Variants in HELLS observed in about 807,000 individuals in gnomAD.
HELLS encodes the protein lymphoid-specific helicase.
A neutral mutation model predicts 120.0 loss-of-function variants in HELLS; 32 were observed. The observed-to-expected ratio is 0.27, with a 90% CI of 0.20 to 0.36. HELLS has a LOEUF of 0.36. Among genes scored for constraint, HELLS ranks in the 10% least tolerant of loss-of-function variants. The pLI is 1.00. For synonymous variants in HELLS, 341 were observed against 323.4 expected, an observed-to-expected ratio of 1.05 and a Z score of -0.58; for missense variants, 650 against 993.4, an observed-to-expected ratio of 0.65 and a Z score of 4.65.
intron 3 of HELLS, 83 bp from the exon 4 acceptor site, chr10:94,558,056 A>G (rs1163011490): frequency 2.0e-6 from 3 of 1,484,046 alleles, no homozygotes; most frequent in South Asian, 1.3e-5. Flanking sequence ...CATTGTAAAC[A>G]TAAGTTATTT....
chr10:94,580,120 T>C (rs1844757012), intron 10 of HELLS, among the ~76,000 whole-genome samples: 1 of 4,814 alleles, frequency 2.1e-4, no homozygotes, highest in African/African-American at 5.8e-4. Context: ...TATAAAAGTA[T>C]ATATATATAT....
At chr10:94,578,070 C>CATA (rs1844605893) in intron 10 of HELLS, among the ~76,000 whole-genome samples, 1 of 60,840 alleles carries the variant, frequency 1.6e-5, no homozygotes, top group Non-Finnish European at 3.3e-5. Context: ...GACTCCGTCT[C>CATA]AAAAAAAAAA....
chr10:94,567,214 A>G (rs1299232286), intron 6 of HELLS, among the ~76,000 whole-genome samples: 1 of 152,024 alleles, frequency 6.6e-6, no homozygotes, highest in African/African-American at 2.4e-5. Context: ...TTTGCCTTTC[A>G]ATTATAGATA....
intron 10 of HELLS, among the ~76,000 whole-genome samples, chr10:94,580,185 AT>A (rs57237348): frequency 0.015 from 1,059 of 69,328 alleles, 10 homozygotes; most frequent in Non-Finnish European, 0.021. Flanking sequence ...ACACACACAC[AT>A]TTTTTTTTTT....
chr10:94,588,368 C>T lies in HELLS; in HGVS notation c.1466C>T (p.Ala489Val). The change falls in exon 13 of 22, where the codon GCA becomes GTA. Residue 489 changes from alanine to valine, a missense_variant. Transcript: ENST00000348459. ...ACAGCCATTGTGAACCGTACAATTGCAAACATGTTTGGATCCAGTGAGGTA... is the reference window on the plus strand; with the variant it reads ...ACAGCCATTGTGAACCGTACAATTGTAAACATGTTTGGATCCAGTGAGGTA... Reference protein sequence around the residue: ...FYTAIVNRTIANMFGSSEKET... With the variant: ...FYTAIVNRTIVNMFGSSEKET... 6.2e-7 allele frequency: 1 copy of T among 1,605,048 alleles called. No homozygotes were observed. Among genetic ancestry groups the T allele is most frequent in the Non-Finnish European group, 8.5e-7 (1 of 1,176,012 alleles).
At chr10:94,611,873 C>G (rs970056729) in exon 10 of HELLS, 1 of 152,088 alleles carries the variant, frequency 6.6e-6, no homozygotes, top group Non-Finnish European at 1.5e-5. Context: ...CTCTGATGTC[C>G]CAACTTGGGT....
chr10:94,597,794 A>C (rs771149021), intron 21 of HELLS, among the ~76,000 whole-genome samples: 17 of 152,128 alleles, frequency 1.1e-4, no homozygotes, highest in Non-Finnish European at 2.2e-4. Context: ...CAGCCTCCCA[A>C]AGCACTGGGA....
chr10:94,581,557 A>G (rs1844869497), intron 11 of HELLS, 35 bp downstream of exon 11: 4 of 1,446,492 alleles, frequency 2.8e-6, no homozygotes, highest in Non-Finnish European at 3.8e-6. Flanking sequence ...TTTAACCTCA[A>G]AAATCTGTGC....
chr10:94,552,144 A>G (rs943180031), intron 2 of HELLS, among the ~76,000 whole-genome samples: 14 of 152,226 alleles, frequency 9.2e-5, no homozygotes, highest in Non-Finnish European at 2.1e-4. Flanking sequence ...TTATTGGTTG[A>G]CTTTGTGTTT....
chr10:94,562,520 T>C (rs1269551858), intron 4 of HELLS, among the ~76,000 whole-genome samples, 171 bp from the exon 5 acceptor site: 1 of 152,206 alleles, frequency 6.6e-6, no homozygotes, highest in African/African-American at 2.4e-5. Context: ...GAACAAGTTA[T>C]AGTAGGGAAA....
At chr10:94,603,101 C>T (rs2134141687), downstream of HELLS, among the ~76,000 whole-genome samples, 1 of 152,284 alleles carries the variant, frequency 6.6e-6, no homozygotes, top group Non-Finnish European at 1.5e-5. Flanking sequence ...TCCCCATCTG[C>T]CCTTTATTAT....
Position 94,601,766 on chromosome 10 carries a change from G to T in HELLS, c.*144G>T. The T allele has an allele frequency of 1.2e-5, 6 of 480,658 alleles. No individual in the cohort carries two copies. Among genetic ancestry groups the T allele is most frequent in the Middle Eastern group, 4.8e-4 (1 of 2,104 alleles). 29.8% of individuals were successfully genotyped at this position (480,658 alleles called of 1,614,324 possible). ...TAGTACCATGCGTACTTAAATAGAT[G>T]GTAATTTTCTGAGCCTTACCAAGAA... On this transcript the variant is annotated 3_prime_UTR_variant, in exon 22 of 22. Coordinates refer to ENST00000348459, the MANE Select transcript of HELLS (RefSeq NM_018063.5).
chr10:94,612,689 G>A (rs1564625446), exon 10 of HELLS: 1 of 152,226 alleles, frequency 6.6e-6, no homozygotes, highest in African/African-American at 2.4e-5. Context: ...ATTTTGGAAG[G>A]CCGAGGCGAA....
intron 18 of HELLS, 138 bp from the exon 19 acceptor site, chr10:94,594,557 A>G: frequency 1.8e-6 from 1 of 550,104 alleles, no homozygotes; most frequent in Admixed American, 3.2e-5. Context: ...TTGTCTATGA[A>G]GCCACTCTGG....
At chr10:94,599,518 A>G (rs1845923943) in intron 21 of HELLS, among the ~76,000 whole-genome samples, 1 of 151,990 alleles carries the variant, frequency 6.6e-6, no homozygotes, top group Non-Finnish European at 1.5e-5. Flanking sequence ...ATGTCCTGCT[A>G]ATTTTGTTTT....
intron 6 of HELLS, among the ~76,000 whole-genome samples, chr10:94,567,674 G>T (rs1323970839): frequency 6.6e-6 from 1 of 152,150 alleles, no homozygotes; most frequent in Non-Finnish European, 1.5e-5. Context: ...GGGAGGCCAG[G>T]GTGAGAGGAT....
chr10:94,592,479 G>C lies in HELLS; in HGVS notation c.1936G>C (p.Asp646His). 4 of 1,574,840 alleles carry C rather than the reference G, an allele frequency of 2.5e-6. No individual in the cohort carries two copies. Among genetic ancestry groups the C allele is most frequent in the Non-Finnish European group, 3.4e-6 (4 of 1,165,246 alleles). The change falls in exon 17 of 22, where the codon GAT (aspartate) becomes CAT (histidine). Residue 646 changes from aspartate (D) to histidine (H), a missense_variant. Physicochemically the swap from Asp to His is moderately conservative, Grantham distance 81. This residue lies in a region of HELLS where 191 missense variants were observed against 259.7 expected (regional missense o/e 0.74). Coordinates refer to ENST00000348459, the MANE Select transcript of HELLS (RefSeq NM_018063.5). ...CAGAGATTTCAACTTCAGCAGGCTT[G>C]ATGGGTCCATGTCTTACTCAGAGAG... is the stretch of plus-strand genomic sequence containing the variant. ...HLRDFNFSRL[D>H]GSMSYSEREK...
intron 9 of HELLS, among the ~76,000 whole-genome samples, chr10:94,576,174 C>T (rs539599929): frequency 7.2e-5 from 11 of 152,118 alleles, no homozygotes; most frequent in East Asian, 5.8e-4. Flanking sequence ...AGTGCAGTGG[C>T]GTCATTCTGG....
At position 94,573,194 on chromosome 10, in the gene HELLS, A is replaced by G. The variant is rs58004982; in HGVS notation, c.478-766A>G. On this transcript the variant is annotated intron_variant, in intron 7 of 21. Coordinates refer to ENST00000348459, the MANE Select transcript of HELLS (RefSeq NM_018063.5). Reference sequence around the variant, plus strand: ...AGGATGGTTTTGATCACTTGACCTCATGATCTGCCTGCCTTGGCCTCCCAA... The same window carrying G: ...AGGATGGTTTTGATCACTTGACCTCGTGATCTGCCTGCCTTGGCCTCCCAA... 3.2e-3 allele frequency among the ~76,000 whole-genome samples: 486 copies of G among 152,256 alleles called. 2 individuals carry two copies. Among genetic ancestry groups the G allele is most frequent in the African/African-American group, 0.011 (469 of 41,552 alleles).
Sources: allele counts gnomAD v4.1 joint callset (sites outside exome capture counted in the v4.1 genomes callset), GRCh38; gene constraint gnomAD v4.1.1; regional missense constraint gnomAD v4.1.1; transcripts MANE v1.5; gene names NCBI Gene and HGNC (gene_info 2026-07-23, HGNC 2026-07-21).